Variants in POLR3A observed in about 807,000 individuals in gnomAD.
The protein encoded by POLR3A is RNA polymerase III subunit A, also known as DNA-directed RNA polymerase III subunit RPC1.
POLR3A carries 112 observed loss-of-function variants against 152.8 expected under a neutral mutation model. The observed-to-expected ratio is 0.73, with a 90% CI of 0.63 to 0.86. POLR3A has a LOEUF of 0.86. Among genes scored for constraint, POLR3A ranks in the 40% least tolerant of loss-of-function variants. POLR3A has a pLI of 0.00. For missense variants in POLR3A, 1,385 were observed against 1,743.1 expected, an observed-to-expected ratio of 0.79 and a Z score of 3.66; for synonymous variants, 615 against 652.1, an observed-to-expected ratio of 0.94 and a Z score of 0.87.
intron 12 of POLR3A, 126 bp downstream of exon 12, chr10:78,010,345 T>C (rs1847455542): frequency 1.2e-6 from 1 of 833,768 alleles, no homozygotes. Context: ...TCAAACTTAG[T>C]AAACAAAAAA....
rs547657594 is a variant in POLR3A at position 78,021,900 on chromosome 10, C to T, written c.1008G>A (p.Lys336=). The T allele has an allele frequency of 8.1e-6, 13 of 1,614,134 alleles. No homozygotes were observed. In the African/African-American group the frequency reaches 1.2e-4, roughly 15 times the overall value. Residue 336 remains lysine, a synonymous_variant, in exon 7 of 31, where the codon AAG becomes AAA. Coordinates refer to ENST00000372371, the MANE Select transcript of POLR3A (RefSeq NM_007055.4). Reference sequence around the variant, plus strand: ...GGCGTTGGACGAAGCCTCTGGTCCACTTCTTGGGTGCCATGTTGAGGGGAA... The same window carrying T: ...GGCGTTGGACGAAGCCTCTGGTCCATTTCTTGGGTGCCATGTTGAGGGGAA... ...SGIPLNMAPK[K]WTRGFVQRLK... is the part of the protein sequence containing the mutation.
chr10:78,029,465 GC>G lies in POLR3A; in HGVS notation c.-59del. 1.3e-6 allele frequency: 2 copies of G among 1,578,890 alleles called. No individual in the cohort carries two copies. The highest frequency in any genetic ancestry group is 8.7e-7 in the Non-Finnish European group (1 of 1,149,288). The stretch of plus-strand genomic sequence containing the variant: ...CGGGAGGCCAGATTAGAGAAACGAT[GC>G]CCCCAGCACCTCCTGGGGCTGCTTC... On this transcript the variant is annotated 5_prime_UTR_variant, in exon 1 of 31. Transcript: ENST00000372371.
chr10:78,024,439 A>G (rs1305645130), intron 5 of POLR3A, 110 bp downstream of exon 5: 8 of 1,075,142 alleles, frequency 7.4e-6, no homozygotes, highest in Non-Finnish European at 2.8e-6. Context: ...ATTTTGGAAG[A>G]AAGTGGGTGT....
At chr10:77,987,242 T>C (rs563070130) in intron 21 of POLR3A, among the ~76,000 whole-genome samples, 35 of 152,290 alleles carry the variant, frequency 2.3e-4, no homozygotes, top group African/African-American at 8.2e-4. Context: ...TCCCGGGAGC[T>C]GGCATCGGCT....
intron 5 of POLR3A, among the ~76,000 whole-genome samples, chr10:78,022,585 C>T (rs1269429907): frequency 2.0e-5 from 3 of 152,132 alleles, no homozygotes; most frequent in East Asian, 3.8e-4. Flanking sequence ...CCAAAAATTC[C>T]ACTTCTCATT....
At chr10:78,014,406 G>A (rs572301375) in intron 10 of POLR3A, among the ~76,000 whole-genome samples, 1 of 152,264 alleles carries the variant, frequency 6.6e-6, no homozygotes, top group South Asian at 2.1e-4. Flanking sequence ...CTAGTTGGAA[G>A]TTACTGAGCA....
intron 11 of POLR3A, chr10:78,013,240 G>T (rs1223814217): frequency 3.5e-6 from 1 of 288,514 alleles, no homozygotes; most frequent in East Asian, 8.5e-5. Flanking sequence ...AATAAAATGT[G>T]CTGGTGCTTA....
intron 18 of POLR3A, among the ~76,000 whole-genome samples, chr10:78,000,688 T>C (rs896154455): frequency 2.6e-5 from 4 of 152,216 alleles, no homozygotes; most frequent in African/African-American, 9.7e-5. Context: ...ATGAAGTATA[T>C]ATGTATTTAA....
At chr10:77,979,527 G>T (rs1050046592) in intron 30 of POLR3A, among the ~76,000 whole-genome samples, 1 of 152,230 alleles carries the variant, frequency 6.6e-6, no homozygotes, top group Non-Finnish European at 1.5e-5. Flanking sequence ...CTCTCCCCCA[G>T]GCCAGCACAG....
intron 28 of POLR3A, 40 bp from the exon 29 acceptor site, chr10:77,981,599 G>A: frequency 3.7e-6 from 6 of 1,611,620 alleles, no homozygotes; most frequent in Non-Finnish European, 5.1e-6. Context: ...GCCCCTTCCG[G>A]GAGGCCACTG....
chr10:78,013,848 T>G (rs1197212398), intron 10 of POLR3A, 58 bp from the exon 11 acceptor site: 1 of 1,609,228 alleles, frequency 6.2e-7, no homozygotes, highest in African/African-American at 1.3e-5. Context: ...ATCCAAAAGC[T>G]TCTCTGTTTT....
At chr10:78,000,232 T>A in intron 18 of POLR3A, 114 bp from the exon 19 acceptor site, 1 of 808,750 alleles carries the variant, frequency 1.2e-6, no homozygotes, top group Non-Finnish European at 2.1e-6. Context: ...ACCTGGCCAG[T>A]ATATTCTCAC....
In POLR3A at chr10:78,022,271, T is replaced by C. The variant is rs772664648; in HGVS notation, c.759A>G (p.Thr253=). 1 of 1,614,158 alleles carries C rather than the reference T, an allele frequency of 6.2e-7. No individual in the cohort carries two copies. Among genetic ancestry groups the C allele is most frequent in the Non-Finnish European group, 8.5e-7 (1 of 1,180,018 alleles). The change falls in exon 6 of 31, where the codon ACA becomes ACG. Residue 253 remains threonine, a synonymous_variant. Coordinates refer to ENST00000372371, the MANE Select transcript of POLR3A (RefSeq NM_007055.4). ...TACACAAAGGAGGCACCAAAAGTCG[T>C]GTGAGAATCAAATCAGACGGCTTTC... ...EAGKPSDLIL[T]RLLVPPLCIR...
Position 78,015,818 on chromosome 10 carries a change from C to CA in POLR3A, c.1431+1756dup, listed in dbSNP as rs1300560269. On this transcript the variant is annotated intron_variant, in intron 10 of 30. Transcript: ENST00000372371. ...GCTATAGGTGTGTGCCATTGCCAGT[C>CA]AAAAAAACCTAATAATTATATTTTG... Among the ~76,000 whole-genome samples, 6 of 152,030 alleles carry CA rather than the reference C, an allele frequency of 3.9e-5. No homozygotes were observed. The South Asian group carries it at 1.2e-3, about 32-fold the overall frequency.
At position 77,993,475 on chromosome 10, in the gene POLR3A, C is replaced by T. The variant is rs989163217; in HGVS notation, c.2617-108G>A. 5.3e-5 allele frequency: 43 copies of T among 804,186 alleles called. No homozygotes were observed. The Admixed American group carries it at 8.2e-4, about 15-fold the overall frequency. 49.8% of individuals were successfully genotyped at this position (804,186 alleles called of 1,614,324 possible). Reference sequence around the variant, plus strand: ...CTCAAGGTTACAAGCACTTTAATCACATAAAAATACTTTATTAGAAACCCT... The same window carrying T: ...CTCAAGGTTACAAGCACTTTAATCATATAAAAATACTTTATTAGAAACCCT... On this transcript the variant is annotated intron_variant, in intron 19 of 30. Transcript: ENST00000372371.
At chr10:77,989,275 A>T (rs987948767) in intron 21 of POLR3A, among the ~76,000 whole-genome samples, 1 of 152,182 alleles carries the variant, frequency 6.6e-6, no homozygotes, top group Non-Finnish European at 1.5e-5. Flanking sequence ...CAGCAGGCCT[A>T]TGAGCACGGG....
intron 19 of POLR3A, among the ~76,000 whole-genome samples, chr10:77,995,210 C>A (rs1294465886): frequency 6.6e-6 from 1 of 152,048 alleles, no homozygotes; most frequent in Admixed American, 6.6e-5. Flanking sequence ...CAAAAACATG[C>A]CAAATTGTAA....
intron 10 of POLR3A, 64 bp downstream of exon 10, chr10:78,017,509 GTT>G: frequency 2.0e-6 from 3 of 1,504,920 alleles, no homozygotes; most frequent in Non-Finnish European, 2.8e-6. Context: ...GAAGTCCACT[GTT>G]TAGCACTGAA....
chr10:78,010,905 G>A (rs1269441504), intron 11 of POLR3A, among the ~76,000 whole-genome samples: 1 of 152,222 alleles, frequency 6.6e-6, no homozygotes, highest in East Asian at 1.9e-4. Context: ...GTGCAGTGGT[G>A]CAAATATGGC....
Sources: allele counts gnomAD v4.1 joint callset (sites outside exome capture counted in the v4.1 genomes callset), GRCh38; gene constraint gnomAD v4.1.1; transcripts MANE v1.5; gene names NCBI Gene and HGNC (gene_info 2026-07-23, HGNC 2026-07-21).